Variants in PIK3C2G observed in about 807,000 individuals in gnomAD.
The protein encoded by PIK3C2G is phosphatidylinositol 3-kinase C2 domain-containing subunit gamma.
In PIK3C2G, 168 loss-of-function variants were observed where a neutral mutation model predicts 181.1. That is an observed-to-expected ratio of 0.93 (90% CI 0.82 to 1.05). The LOEUF (loss-of-function observed/expected upper bound fraction) is 1.05, where lower values mean the gene tolerates loss of function less well. Among genes scored for constraint, PIK3C2G ranks in the 50% least tolerant of loss-of-function variants. The pLI is 0.00. For synonymous variants in PIK3C2G, 573 were observed against 592.2 expected (o/e 0.97, Z 0.47); for missense variants, 1,869 against 1,732.8 (o/e 1.08, Z -1.40).
intron 29 of PIK3C2G, among the ~76,000 whole-genome samples, chr12:18,593,718 T>A (rs1300913272): frequency 6.6e-6 from 1 of 151,936 alleles, no homozygotes; most frequent in Non-Finnish European, 1.5e-5. Context: ...CAGTTAGCCA[T>A]TCATTTGGAG....
chr12:18,724,958 C>T, the PIK3C2G span, among the ~76,000 whole-genome samples: 6 of 152,060 alleles, frequency 3.9e-5, no homozygotes, highest in South Asian at 6.2e-4. Context: ...CTTGGTCATC[C>T]GAAATGTTCT....
intron 16 of PIK3C2G, among the ~76,000 whole-genome samples, chr12:18,408,592 G>C (rs1036548142): frequency 1.9e-4 from 29 of 152,098 alleles, no homozygotes; most frequent in African/African-American, 6.8e-4. Flanking sequence ...CTTCTGCACA[G>C]CAAAAGAAAC....
intron 18 of PIK3C2G, among the ~76,000 whole-genome samples, chr12:18,446,403 C>T (rs1297612895): frequency 2.6e-5 from 4 of 152,110 alleles, no homozygotes; most frequent in Non-Finnish European, 5.9e-5. Context: ...TTCTCTGCCT[C>T]CCTAACTGTG....
intron 24 of PIK3C2G, among the ~76,000 whole-genome samples, chr12:18,536,240 G>A (rs1320893443): frequency 2.0e-5 from 3 of 152,048 alleles, no homozygotes; most frequent in African/African-American, 7.2e-5. Context: ...GAAGAGACAA[G>A]GAAATTTAGT....
At chr12:18,656,162 C>T in the PIK3C2G span, among the ~76,000 whole-genome samples, 1 of 152,158 alleles carries the variant, frequency 6.6e-6, no homozygotes, top group Non-Finnish European at 1.5e-5. Context: ...GGCACAGTGG[C>T]TCACACCTGT....
At chr12:18,468,321 T>G (rs1264735202) in intron 18 of PIK3C2G, among the ~76,000 whole-genome samples, 4 of 152,060 alleles carry the variant, frequency 2.6e-5, no homozygotes, top group Admixed American at 2.6e-4. Flanking sequence ...GAATTCCCAC[T>G]GACACATCAC....
chr12:18,315,585 G>A (rs923723260), intron 6 of PIK3C2G, among the ~76,000 whole-genome samples: 3 of 151,906 alleles, frequency 2.0e-5, no homozygotes, highest in African/African-American at 2.4e-5. Context: ...TCTGATATAG[G>A]GCATACATAC....
chr12:18,493,056 C>T (rs988878727), intron 20 of PIK3C2G: 4 of 152,304 alleles, frequency 2.6e-5, no homozygotes, highest in Admixed American at 6.5e-5. Flanking sequence ...TGAATCTATC[C>T]TCCAGTCCCA....
At chr12:18,642,392 T>C (rs551717645) in intron 32 of PIK3C2G, among the ~76,000 whole-genome samples, 1 of 152,328 alleles carries the variant, frequency 6.6e-6, no homozygotes, top group South Asian at 2.1e-4. Context: ...GAATTTCTTT[T>C]GCACGTTTGT....
At chr12:18,449,009 A>T (rs1451347350) in intron 18 of PIK3C2G, among the ~76,000 whole-genome samples, 2 of 152,010 alleles carry the variant, frequency 1.3e-5, no homozygotes, top group Admixed American at 1.3e-4. Flanking sequence ...TACCTAGAAG[A>T]GGGATTGCTG....
upstream of PIK3C2G, among the ~76,000 whole-genome samples, chr12:18,259,485 C>A (rs1195292252): frequency 1.3e-5 from 2 of 151,944 alleles, no homozygotes; most frequent in East Asian, 1.9e-4. Context: ...ACTTGTAGAA[C>A]TCATCTTGCA....
chr12:18,249,820 T>A (rs911787302), intron 1 of PIK3C2G, among the ~76,000 whole-genome samples: 1 of 152,082 alleles, frequency 6.6e-6, no homozygotes, highest in African/African-American at 2.4e-5. Flanking sequence ...TATCTTATAT[T>A]TCACAAAGCT....
intron 5 of PIK3C2G, among the ~76,000 whole-genome samples, chr12:18,309,706 ATAATTTT>A (rs1950561919): frequency 6.6e-6 from 1 of 151,802 alleles, no homozygotes; most frequent in Non-Finnish European, 1.5e-5. Context: ...AACAAAATTA[ATAATTTT>A]TACCATTTTA....
At chr12:18,463,791 G>A (rs1382073111) in intron 18 of PIK3C2G, among the ~76,000 whole-genome samples, 4 of 152,132 alleles carry the variant, frequency 2.6e-5, no homozygotes, top group Non-Finnish European at 4.4e-5. Context: ...GAGACTTGAA[G>A]AGCCTCCAAA....
At chr12:18,713,881 T>C in the PIK3C2G span, 1 of 152,364 alleles carries the variant, frequency 6.6e-6, no homozygotes, top group East Asian at 1.9e-4. Context: ...TTAGGTTCAT[T>C]AAATCAGTTG....
At chr12:18,579,535 C>T (rs1025148027) in intron 29 of PIK3C2G, among the ~76,000 whole-genome samples, 3 of 152,096 alleles carry the variant, frequency 2.0e-5, no homozygotes, top group Non-Finnish European at 2.9e-5. Context: ...ATCTCTCTGT[C>T]TGTTCCTCTG....
chr12:18,404,222 A>C (rs1944400806), intron 16 of PIK3C2G, among the ~76,000 whole-genome samples: 2 of 152,162 alleles, frequency 1.3e-5, no homozygotes, highest in African/African-American at 4.8e-5. Context: ...TAACATTGTA[A>C]ATAGAAAGAA....
Position 18,487,560 on chromosome 12 carries a change from AAATT to A in PIK3C2G, c.2505-887_2505-884del, listed in dbSNP as rs368456610. Among the ~76,000 whole-genome samples, 167 of 152,256 alleles carry A rather than the reference AAATT, an allele frequency of 1.1e-3. 1 individual carries two copies. The highest frequency in any genetic ancestry group is 3.8e-3 in the African/African-American group (156 of 41,566). ...ATTAGAGAGAAGTTAATGTGCAAAT[AAATT>A]AGTCTTTTTTAATTCCATTTCAGTG... On this transcript the variant is annotated intron_variant, in intron 18 of 32. Transcript: ENST00000538779.
chr12:18,337,656 A>G (rs1008234215), intron 8 of PIK3C2G, among the ~76,000 whole-genome samples: 41 of 152,092 alleles, frequency 2.7e-4, no homozygotes, highest in African/African-American at 8.9e-4. Flanking sequence ...ACAATTTTAA[A>G]CAACCAGATT....
Sources: gnomAD v4.1 joint callset for allele counts (sites outside exome capture counted in the v4.1 genomes callset) on GRCh38, gnomAD v4.1.1 for gene constraint, MANE v1.5 for transcripts, NCBI Gene and HGNC (gene_info 2026-07-23, HGNC 2026-07-21) for gene names.